The following ATAT1 variants were observed in gnomAD, a reference collection of about 807,000 sequenced individuals.
ATAT1 encodes alpha tubulin acetyltransferase 1.
ATAT1 carries 42 observed loss-of-function variants against 57.2 expected under a neutral mutation model. The observed-to-expected ratio is 0.73, with a 90% CI of 0.57 to 0.95. The LOEUF (loss-of-function observed/expected upper bound fraction) is 0.95, where lower values mean the gene tolerates loss of function less well. Among genes scored for constraint, ATAT1 ranks in the 40% least tolerant of loss-of-function variants. ATAT1 has a pLI of 0.00. For synonymous variants in ATAT1, 168 were observed against 187.1 expected, an observed-to-expected ratio of 0.90 and a Z score of 0.83; for missense variants, 454 against 523.7, an observed-to-expected ratio of 0.87 and a Z score of 1.30.
At chr6:30,637,544 G>A (rs952753494) in intron 6 of ATAT1, among the ~76,000 whole-genome samples, 1 of 151,864 alleles carries the variant, frequency 6.6e-6, no homozygotes, top group Non-Finnish European at 1.5e-5. Context: ...TAAGCCGGGC[G>A]TGGTGGCATG....
At chr6:30,632,940 C>CA (rs9257002) in intron 6 of ATAT1, among the ~76,000 whole-genome samples, 25,962 of 127,066 alleles carry the variant, frequency 0.2, 2,864 homozygotes, top group East Asian at 0.38. Flanking sequence ...GACCCCATAT[C>CA]AAAAAAAAAA....
At chr6:30,638,119 G>C (rs1049136686) in intron 6 of ATAT1, among the ~76,000 whole-genome samples, 51 of 151,680 alleles carry the variant, frequency 3.4e-4, no homozygotes, top group Admixed American at 4.6e-4. Flanking sequence ...CCTCGTGATC[G>C]GCCCGCCTCG....
Position 30,627,856 on chromosome 6 carries a change from G to A in ATAT1, c.230G>A (p.Gly77Glu). 6.2e-7 allele frequency: 1 copy of A among 1,612,994 alleles called. No individual in the cohort carries two copies. The highest frequency in any genetic ancestry group is 1.1e-5 in the South Asian group (1 of 91,076). Reference sequence around the variant, plus strand: ...TTATTTTCCCCGTCCTACAGGGCTGGAAAAGGAGCCATTATTGGTTTCATC... The same window carrying A: ...TTATTTTCCCCGTCCTACAGGGCTGAAAAAGGAGCCATTATTGGTTTCATC... The change falls in exon 4 of 13, where the codon GGA becomes GAA. Residue 77 changes from glycine to glutamate, a missense_variant. This residue lies in a region of ATAT1 where 236 missense variants were observed against 284.5 expected (regional missense o/e 0.83). Coordinates refer to ENST00000330083, the MANE Select transcript of ATAT1 (RefSeq NM_001031722.4).
Position 30,627,500 on chromosome 6 carries a change from C to G in ATAT1, c.112C>G (p.Leu38Val), listed in dbSNP as rs1320269800. ...GCAAATTATGACCATTATAGATGAACTGGGCAAGGCTTCTGCCAAGGTACT... is the reference window on the plus strand; with the variant it reads ...GCAAATTATGACCATTATAGATGAAGTGGGCAAGGCTTCTGCCAAGGTACT... Residue 38 changes from leucine (L) to valine (V), a missense_variant, in exon 2 of 13, where the codon CTG becomes GTG. Physicochemically the swap from Leu to Val is conservative, Grantham distance 32. Around this residue, in one of 3 missense-constraint regions of ATAT1, gnomAD observed 236 missense variants for 284.5 expected, o/e 0.83. Coordinates refer to ENST00000330083, the MANE Select transcript of ATAT1 (RefSeq NM_001031722.4). The G allele has an allele frequency of 2.5e-6, 4 of 1,613,226 alleles. No homozygotes were observed. The African/African-American group carries it at 5.3e-5, about 22-fold the overall frequency.
Position 30,641,878 on chromosome 6 carries a change from C to T in ATAT1, c.617-298C>T, listed in dbSNP as rs145746068. The stretch of plus-strand genomic sequence containing the variant: ...TGACAGCACCCACTGACAGTAAGAG[C>T]TCACTTCCCTTGGCTGCCCTTCTCC... On this transcript the variant is annotated intron_variant, in intron 8 of 12. Transcript: ENST00000330083. 2.9e-4 allele frequency: 349 copies of T among 1,223,678 alleles called. No individual in the cohort carries two copies. In the African/African-American group the frequency reaches 4.5e-3, roughly 16 times the overall value. 75.8% of individuals were successfully genotyped at this position (1,223,678 alleles called of 1,614,324 possible). A position where few individuals can be genotyped will look rare whatever the true frequency, so the allele number is the denominator to read the frequency against.
At chr6:30,644,048 A>G (rs1766116030) in intron 10 of ATAT1, 1 of 990,146 alleles carries the variant, frequency 1.0e-6, no homozygotes, top group Non-Finnish European at 1.2e-6. Flanking sequence ...GAGCCTGCGA[A>G]TGGCCGCTAG....
chr6:30,628,166 G>A (rs1441036088), intron 5 of ATAT1, 21 bp downstream of exon 5: 3 of 1,602,562 alleles, frequency 1.9e-6, no homozygotes, highest in East Asian at 4.5e-5. Context: ...CCTCTTCACT[G>A]GTTCATCCAA....
chr6:30,638,155 G>A (rs1227847489), intron 6 of ATAT1, among the ~76,000 whole-genome samples: 1 of 152,018 alleles, frequency 6.6e-6, no homozygotes, highest in Non-Finnish European at 1.5e-5. Flanking sequence ...GGGATTACAG[G>A]CTTGAGCCAC....
intron 2 of ATAT1, 45 bp downstream of exon 2, chr6:30,627,565 G>A: frequency 6.2e-7 from 1 of 1,606,344 alleles, no homozygotes; most frequent in Non-Finnish European, 8.5e-7. Context: ...ACCTCTGTGG[G>A]GATGGTATAT....
chr6:30,646,114 G>A lies in ATAT1; in HGVS notation c.1055+5G>A, dbSNP rs544806611. On this transcript the variant is annotated splice_donor_5th_base_variant and intron_variant, in intron 12 of 12. Transcript: ENST00000330083. ...AGAACAGGAAACAAAGAATAGGTGA[G>A]GTCTAAACCCCTCCCCTAACAGCCT... is the stretch of plus-strand genomic sequence containing the variant. The A allele has an allele frequency of 6.2e-7, 1 of 1,607,254 alleles. No individual in the cohort carries two copies. The highest frequency in any genetic ancestry group is 1.7e-5 in the Admixed American group (1 of 59,074).
chr6:30,644,554 G>A (rs1766263031), intron 10 of ATAT1: 12 of 985,218 alleles, frequency 1.2e-5, no homozygotes, highest in Non-Finnish European at 1.3e-5. Flanking sequence ...CTTGGGAGCC[G>A]GATCTCCCCA....
intron 6 of ATAT1, among the ~76,000 whole-genome samples, chr6:30,634,207 T>C (rs1763511316): frequency 6.6e-6 from 1 of 152,132 alleles, no homozygotes; most frequent in East Asian, 1.9e-4. Flanking sequence ...GGAAGTTTGT[T>C]TGTATTTTTT....
chr6:30,640,402 G>C lies in ATAT1; in HGVS notation c.527G>C (p.Gly176Ala). The stretch of plus-strand genomic sequence containing the variant: ...GTGAACAACTTTGTGATCTTTGAAG[G>C]CTTCTTTGCCCATCAACATCGTAAG... The change falls in exon 7 of 13, where the codon GGC (glycine) becomes GCC (alanine). Residue 176 changes from glycine (G) to alanine (A), a missense_variant. Physicochemically the swap from Gly to Ala is moderately conservative, Grantham distance 60 (BLOSUM62 0). This residue lies in a region of ATAT1 where 236 missense variants were observed against 284.5 expected (regional missense o/e 0.83). Transcript: ENST00000330083. The C allele has an allele frequency of 6.2e-7, 1 of 1,612,982 alleles. No individual in the cohort carries two copies. The highest frequency in any genetic ancestry group is 8.5e-7 in the Non-Finnish European group (1 of 1,180,026).
At chr6:30,638,218 G>A (rs959058129) in intron 6 of ATAT1, among the ~76,000 whole-genome samples, 1 of 151,924 alleles carries the variant, frequency 6.6e-6, no homozygotes. Context: ...TAGAGATGAG[G>A]TCTTGCTATA....
intron 5 of ATAT1, 74 bp from the exon 6 acceptor site, chr6:30,628,255 T>G: frequency 6.5e-7 from 1 of 1,550,188 alleles, no homozygotes; most frequent in Admixed American, 1.7e-5. Context: ...TCTATTCCCT[T>G]CCCAGGCTTC....
At chr6:30,644,323 T>C in intron 10 of ATAT1, 1 of 985,790 alleles carries the variant, frequency 1.0e-6, no homozygotes, top group East Asian at 1.1e-4. Context: ...AATCCCTTCT[T>C]GCATCCATCC....
In ATAT1 at chr6:30,646,666, C is replaced by A; in HGVS notation, c.*23C>A. 1 of 1,526,714 alleles carries A rather than the reference C, an allele frequency of 6.6e-7. No homozygotes were observed. Among genetic ancestry groups the A allele is most frequent in the Non-Finnish European group, 8.8e-7 (1 of 1,132,162 alleles). 94.6% of individuals were successfully genotyped at this position (1,526,714 alleles called of 1,614,324 possible). On this transcript the variant is annotated 3_prime_UTR_variant, in exon 13 of 13. Coordinates refer to ENST00000330083, the MANE Select transcript of ATAT1 (RefSeq NM_001031722.4). ...TGACCGCAGCCCCGTCAAACATCTT[C>A]AAAGTATTATTTCTCCCTCACTACA...
chr6:30,629,695 C>T (rs1052557038), intron 6 of ATAT1, among the ~76,000 whole-genome samples: 1 of 152,136 alleles, frequency 6.6e-6, no homozygotes, highest in Non-Finnish European at 1.5e-5. Context: ...CAGGTGCCCA[C>T]CACCATACCC....
At chr6:30,639,479 C>CT (rs979708714) in intron 6 of ATAT1, among the ~76,000 whole-genome samples, 213 of 139,484 alleles carry the variant, frequency 1.5e-3, no homozygotes, top group Middle Eastern at 7.3e-3. Flanking sequence ...CACTTTCTTT[C>CT]TTTTTTTTTT....
Sources: gnomAD v4.1 joint callset for allele counts (sites outside exome capture counted in the v4.1 genomes callset) on GRCh38, gnomAD v4.1.1 for gene constraint, gnomAD v4.1.1 regional missense constraint, MANE v1.5 for transcripts, NCBI Gene and HGNC (gene_info 2026-07-23, HGNC 2026-07-21) for gene names.